The following MECOM variants were observed in gnomAD, a reference collection of about 807,000 sequenced individuals.
MECOM encodes MDS1 and EVI1 complex locus, also known as histone-lysine N-methyltransferase MECOM.
Under a neutral mutation model 116.3 loss-of-function variants are expected in MECOM, and 13 were observed. That is an observed-to-expected ratio of 0.11 (90% CI 0.07 to 0.18). The LOEUF (loss-of-function observed/expected upper bound fraction) is 0.18, where lower values mean the gene tolerates loss of function less well. MECOM is among the 10% of genes least tolerant of loss of function. The probability of loss-of-function intolerance (pLI) is 1.00; values close to 1 mark genes in which losing one functional copy is unlikely to be tolerated. For synonymous variants in MECOM, 528 were observed against 535.2 expected, an observed-to-expected ratio of 0.99 and a Z score of 0.19; for missense variants, 1,299 against 1,509.0, an observed-to-expected ratio of 0.86 and a Z score of 2.31.
intron 1 of MECOM, among the ~76,000 whole-genome samples, chr3:169,534,592 A>AC (rs572526473): frequency 1.4e-3 from 217 of 152,178 alleles, no homozygotes; most frequent in Non-Finnish European, 2.6e-3. Flanking sequence ...ACACTTGGCT[A>AC]CCCATGTAGA....
intron 2 of MECOM, among the ~76,000 whole-genome samples, chr3:169,260,679 T>C (rs1190010434): frequency 1.3e-5 from 2 of 152,232 alleles, no homozygotes; most frequent in African/African-American, 4.8e-5. Context: ...CTTTGTTTTC[T>C]CCCTTCTCAG....
chr3:169,105,738 T>A (rs1370295392), intron 10 of MECOM, among the ~76,000 whole-genome samples: 1 of 152,150 alleles, frequency 6.6e-6, no homozygotes, highest in Non-Finnish European at 1.5e-5. Context: ...TAGTTGATGT[T>A]ATCTGCAGCC....
intron 2 of MECOM, among the ~76,000 whole-genome samples, chr3:169,254,274 G>C (rs1756601593): frequency 6.6e-6 from 1 of 152,132 alleles, no homozygotes. Context: ...CCTTTCATGA[G>C]TGAAATCCCA....
chr3:169,594,604 C>T (rs748236594), intron 1 of MECOM, among the ~76,000 whole-genome samples: 8 of 151,526 alleles, frequency 5.3e-5, no homozygotes, highest in Admixed American at 6.6e-5. Flanking sequence ...TAGTCCTTCT[C>T]AAGTCTGAGC....
intron 2 of MECOM, among the ~76,000 whole-genome samples, chr3:169,198,353 A>G (rs1748707870): frequency 6.6e-6 from 1 of 152,106 alleles, no homozygotes; most frequent in African/African-American, 2.4e-5. Context: ...GGGAAAAGAA[A>G]AAGTCAGGAA....
intron 2 of MECOM, among the ~76,000 whole-genome samples, chr3:169,348,835 G>A (rs1725810019): frequency 6.6e-6 from 1 of 151,946 alleles, no homozygotes. Context: ...TAGAATGACT[G>A]CATCTTCAGC....
At chr3:169,485,916 T>C (rs1351496277) in intron 1 of MECOM, among the ~76,000 whole-genome samples, 1 of 59,020 alleles carries the variant, frequency 1.7e-5, no homozygotes. Context: ...TATATGTATG[T>C]ATATATAGTA....
Position 169,090,299 on chromosome 3 carries a change from C to G in MECOM, c.3165-63G>C. ...TTCATTTTTAAAATTGTAATTTGTT[C>G]CTTTATTATGTCTTCCCAACAACAG... On this transcript the variant is annotated intron_variant, in intron 14 of 16. Coordinates refer to ENST00000651503, the MANE Select transcript of MECOM (RefSeq NM_004991.4). The G allele has an allele frequency of 2.1e-6, 3 of 1,433,472 alleles. No homozygotes were observed. The South Asian group carries it at 4.0e-5, about 19-fold the overall frequency. 88.8% of individuals were successfully genotyped at this position (1,433,472 alleles called of 1,614,324 possible). A position where few individuals can be genotyped will look rare whatever the true frequency, so the allele number is the denominator to read the frequency against.
intron 6 of MECOM, among the ~76,000 whole-genome samples, chr3:169,121,605 G>T (rs567879931): frequency 2.2e-4 from 33 of 152,206 alleles, no homozygotes; most frequent in African/African-American, 7.7e-4. Context: ...GGAGGATTTT[G>T]ACTAACTACA....
At position 169,611,710 on chromosome 3, in the gene MECOM, G is replaced by A. The variant is rs59943194; in HGVS notation, c.37+51626C>T. 0.041 allele frequency among the ~76,000 whole-genome samples: 6,292 copies of A among 152,188 alleles called. 185 individuals carry two copies. Among genetic ancestry groups the A allele is most frequent in the African/African-American group, 0.084 (3,505 of 41,496 alleles). ...TATTTTCCTTAGTTATAATGGAACA[G>A]ATATGGTGACCTTAGTACCCAAAGG... On this transcript the variant is annotated intron_variant, in intron 1 of 16. Transcript: ENST00000651503. The surrounding 1 kb of genome is among the most constrained non-coding windows in gnomAD (Gnocchi z 4.1).
At chr3:169,290,535 A>G (rs115858065) in intron 2 of MECOM, among the ~76,000 whole-genome samples, 3,651 of 152,270 alleles carry the variant, frequency 0.024, 133 homozygotes, top group African/African-American at 0.079. Context: ...ATGATTATGT[A>G]CTTGGACCTG....
chr3:169,604,077 G>T (rs1768172769), intron 1 of MECOM, among the ~76,000 whole-genome samples: 1 of 152,160 alleles, frequency 6.6e-6, no homozygotes, highest in Admixed American at 6.5e-5. Flanking sequence ...TTCCCTTAGA[G>T]AAAGAAAAAT....
At chr3:169,414,828 T>G (rs1408135837) in intron 1 of MECOM, among the ~76,000 whole-genome samples, 1 of 151,814 alleles carries the variant, frequency 6.6e-6, no homozygotes, top group South Asian at 2.1e-4. Flanking sequence ...AAGACAAGAT[T>G]AGAGAAAAAA....
At chr3:169,559,017 A>G (rs1307054991) in intron 1 of MECOM, among the ~76,000 whole-genome samples, 1 of 148,032 alleles carries the variant, frequency 6.8e-6, no homozygotes, top group Non-Finnish European at 1.5e-5. Flanking sequence ...CAAAGCATCT[A>G]CACACACACA....
At chr3:169,464,323 G>A (rs536293378) in intron 1 of MECOM, among the ~76,000 whole-genome samples, 2 of 152,238 alleles carry the variant, frequency 1.3e-5, no homozygotes, top group South Asian at 2.1e-4. Context: ...CTTGGCATGG[G>A]CATTTAAATG....
chr3:169,511,044 T>C (rs1033473643), intron 1 of MECOM, among the ~76,000 whole-genome samples: 1 of 152,244 alleles, frequency 6.6e-6, no homozygotes, highest in African/African-American at 2.4e-5. Flanking sequence ...AAGTTTGAAT[T>C]ACTATACTTG....
intron 1 of MECOM, among the ~76,000 whole-genome samples, chr3:169,486,015 T>TAC (rs1412901750): frequency 1.6e-5 from 2 of 126,140 alleles, no homozygotes; most frequent in Non-Finnish European, 3.2e-5. Flanking sequence ...ACTATATATA[T>TAC]ATGTATATAT....
intron 2 of MECOM, among the ~76,000 whole-genome samples, chr3:169,168,317 G>A (rs1743918689): frequency 6.9e-6 from 1 of 145,320 alleles, no homozygotes; most frequent in African/African-American, 2.5e-5. Context: ...TTACAGGCAT[G>A]AGTCACCACA....
rs369652575 is a variant in MECOM at position 169,095,283 on chromosome 3, T to C, written c.2850-38A>G. The C allele has an allele frequency of 2.3e-5, 36 of 1,564,574 alleles. No individual in the cohort carries two copies. The African/African-American group carries it at 4.4e-4, about 19-fold the overall frequency. ...CAAAGAGAAAATATTAGCAAGCACA[T>C]TAAAAGGTATTTCTCAAGACTAGTT... On this transcript the variant is annotated intron_variant, in intron 12 of 16. Transcript: ENST00000651503.
Sources: gnomAD v4.1 joint callset for allele counts (sites outside exome capture counted in the v4.1 genomes callset) on GRCh38, gnomAD v4.1.1 for gene constraint, Gnocchi (gnomAD v3.1) non-coding constraint, MANE v1.5 for transcripts, NCBI Gene and HGNC (gene_info 2026-07-23, HGNC 2026-07-21) for gene names.